Variants in MLIP observed in about 807,000 individuals in gnomAD.
The protein encoded by MLIP is muscular LMNA-interacting protein.
In MLIP, 79 loss-of-function variants were observed where a neutral mutation model predicts 84.8. That is an observed-to-expected ratio of 0.93 (90% CI 0.78 to 1.12). The LOEUF (loss-of-function observed/expected upper bound fraction) is 1.12. Ranked by LOEUF, MLIP falls within the 50% of genes most tolerant of loss-of-function variation. MLIP has a pLI of 0.00. For synonymous variants in MLIP, 504 were observed against 463.0 expected (o/e 1.09, Z -1.14); for missense variants, 1,257 against 1,160.6 (o/e 1.08, Z -1.21).
intron 1 of MLIP, among the ~76,000 whole-genome samples, chr6:54,112,942 A>G (rs776246414): frequency 6.6e-6 from 1 of 152,198 alleles, no homozygotes; most frequent in Non-Finnish European, 1.5e-5. Context: ...AGCATGTGAC[A>G]TACCAGTTGT....
At chr6:54,174,648 TC>T (rs1335690011) in intron 9 of MLIP, among the ~76,000 whole-genome samples, 13 of 152,036 alleles carry the variant, frequency 8.6e-5, no homozygotes, top group African/African-American at 3.1e-4. Context: ...TGGTTATTAA[TC>T]CCTTCTCAGA....
At chr6:54,139,354 C>T (rs910185330) in intron 4 of MLIP, among the ~76,000 whole-genome samples, 3 of 152,006 alleles carry the variant, frequency 2.0e-5, no homozygotes, top group African/African-American at 7.2e-5. Context: ...TGTGATGGAA[C>T]ATGGTTAGTA....
chr6:54,102,291 C>T (rs1010607464), intron 1 of MLIP, among the ~76,000 whole-genome samples: 2 of 152,116 alleles, frequency 1.3e-5, no homozygotes, highest in African/African-American at 4.8e-5. Context: ...ATATCAAGAG[C>T]AGTATCACAT....
chr6:54,223,858 T>A (rs1780390013), intron 11 of MLIP, among the ~76,000 whole-genome samples: 1 of 152,010 alleles, frequency 6.6e-6, no homozygotes, highest in African/African-American at 2.4e-5. Context: ...TCTGGAAAAG[T>A]AAGCTAATGA....
At chr6:54,191,930 T>C (rs1488402721) in intron 10 of MLIP, among the ~76,000 whole-genome samples, 1 of 151,662 alleles carries the variant, frequency 6.6e-6, no homozygotes, top group Admixed American at 6.6e-5. Context: ...GTGTGTATTT[T>C]ACATACATGT....
chr6:54,194,224 G>C (rs1372108362), intron 10 of MLIP, among the ~76,000 whole-genome samples: 1 of 152,116 alleles, frequency 6.6e-6, no homozygotes, highest in Non-Finnish European at 1.5e-5. Flanking sequence ...TCATCTTTCT[G>C]AGGGCCCTTT....
chr6:54,226,810 A>T lies in MLIP; in HGVS notation c.2719-3904A>T, dbSNP rs76611674. Among the ~76,000 whole-genome samples, 930 of 152,356 alleles carry T rather than the reference A, an allele frequency of 6.1e-3. 14 individuals carry two copies. Among genetic ancestry groups the T allele is most frequent in the African/African-American group, 0.021 (880 of 41,584 alleles). On this transcript the variant is annotated intron_variant, in intron 11 of 13. Coordinates refer to ENST00000502396, the MANE Select transcript of MLIP (RefSeq NM_001281747.2). Reference sequence around the variant, plus strand: ...TGGAAAATAAAAGGGCCTCTTGGAAATTAAACACAAGATTGCAGAAACAAA... The same window carrying T: ...TGGAAAATAAAAGGGCCTCTTGGAATTTAAACACAAGATTGCAGAAACAAA...
At chr6:54,043,690 G>T (rs530250072) in intron 1 of MLIP, among the ~76,000 whole-genome samples, 1 of 152,324 alleles carries the variant, frequency 6.6e-6, no homozygotes, top group African/African-American at 2.4e-5. Context: ...TAGGGAATAG[G>T]ATGCCAATTA....
At chr6:54,195,637 A>G (rs2150694393) in intron 10 of MLIP, among the ~76,000 whole-genome samples, 1 of 152,194 alleles carries the variant, frequency 6.6e-6, no homozygotes, top group Non-Finnish European at 1.5e-5. Flanking sequence ...TTCAAGTATG[A>G]GTGTATACCT....
chr6:54,247,329 G>T (rs1782149217), intron 12 of MLIP, among the ~76,000 whole-genome samples: 1 of 152,064 alleles, frequency 6.6e-6, no homozygotes, highest in African/African-American at 2.4e-5. Flanking sequence ...TTTGAAGTTT[G>T]AATAAAAAAC....
chr6:54,202,486 A>G (rs1778761852), intron 11 of MLIP, among the ~76,000 whole-genome samples: 1 of 151,120 alleles, frequency 6.6e-6, no homozygotes, highest in Non-Finnish European at 1.5e-5. Context: ...TTTTTCTAAA[A>G]CTTGTCTATC....
At chr6:54,160,215 A>T (rs557040105) in intron 5 of MLIP, 152 bp from the exon 6 acceptor site, 2 of 646,184 alleles carry the variant, frequency 3.1e-6, no homozygotes, top group African/African-American at 3.7e-5. Context: ...ACCTAAAAGA[A>T]AAATGTCTTC....
intron 3 of MLIP, among the ~76,000 whole-genome samples, chr6:54,132,548 C>T (rs1355984134): frequency 2.0e-5 from 3 of 152,046 alleles, no homozygotes; most frequent in Admixed American, 6.6e-5. Context: ...AAATCTAGGC[C>T]ATCTGTTGAG....
At chr6:54,070,325 T>C (rs1766408670) in intron 1 of MLIP, among the ~76,000 whole-genome samples, 1 of 152,106 alleles carries the variant, frequency 6.6e-6, no homozygotes, top group Non-Finnish European at 1.5e-5. Flanking sequence ...TATTTTTATT[T>C]CCCCACCTCC....
intron 12 of MLIP, among the ~76,000 whole-genome samples, chr6:54,245,258 T>G (rs1782000582): frequency 2.0e-5 from 3 of 152,148 alleles, no homozygotes; most frequent in African/African-American, 7.2e-5. Context: ...CAGAAAAGCT[T>G]CCTGTAAAGA....
At chr6:54,115,558 G>A (rs1433025664) in intron 1 of MLIP, among the ~76,000 whole-genome samples, 3 of 151,974 alleles carry the variant, frequency 2.0e-5, no homozygotes, top group Admixed American at 1.3e-4. Context: ...AAGAATAGAG[G>A]TCAAGGAAAT....
intron 11 of MLIP, among the ~76,000 whole-genome samples, chr6:54,224,007 G>A (rs1780402494): frequency 6.6e-6 from 1 of 151,714 alleles, no homozygotes; most frequent in Non-Finnish European, 1.5e-5. Context: ...ATTCAATTTG[G>A]AAAATTTAAA....
chr6:54,163,945 G>A (rs1343271681), intron 8 of MLIP, among the ~76,000 whole-genome samples: 2 of 151,826 alleles, frequency 1.3e-5, no homozygotes, highest in Non-Finnish European at 2.9e-5. Flanking sequence ...GAATAAAATT[G>A]TAGGTACTCT....
chr6:54,149,515 T>G (rs556310747), intron 5 of MLIP, among the ~76,000 whole-genome samples: 29 of 152,284 alleles, frequency 1.9e-4, no homozygotes, highest in African/African-American at 6.5e-4. Context: ...TTGTGAACAG[T>G]TGGCCACCTT....
Sources: gnomAD v4.1 joint callset for allele counts (sites outside exome capture counted in the v4.1 genomes callset) on GRCh38, gnomAD v4.1.1 for gene constraint, MANE v1.5 for transcripts, NCBI Gene and HGNC (gene_info 2026-07-23, HGNC 2026-07-21) for gene names.